Variants in PTGFRN observed in about 807,000 individuals in gnomAD.
The protein encoded by PTGFRN is prostaglandin F2 receptor negative regulator.
A neutral mutation model predicts 83.2 loss-of-function variants in PTGFRN; 35 were observed. That is an observed-to-expected ratio of 0.42 (90% CI 0.32 to 0.56). The LOEUF is 0.56. PTGFRN is among the 20% of genes least tolerant of loss of function. The pLI is 0.11. For synonymous variants in PTGFRN, 519 were observed against 498.6 expected (o/e 1.04, Z -0.55); for missense variants, 1,051 against 1,179.5 (o/e 0.89, Z 1.60).
rs908972251 is a variant in PTGFRN at position 116,987,183 on chromosome 1, C to A, written c.*216C>A. 9.5e-6 allele frequency: 5 copies of A among 526,506 alleles called. No individual in the cohort carries two copies. Among genetic ancestry groups the A allele is most frequent in the African/African-American group, 7.6e-5 (4 of 52,406 alleles). The allele number at this position is 526,506 out of a possible 1,614,324, so 32.6% of individuals were successfully genotyped here. On this transcript the variant is annotated 3_prime_UTR_variant, in exon 9 of 9. Coordinates refer to ENST00000393203, the MANE Select transcript of PTGFRN (RefSeq NM_020440.4). ...CTTCCCACGGCACTTTCTGATGTAACAATCGAGTGTGTGTTTTCCCAACTG... is the reference window on the plus strand; with the variant it reads ...CTTCCCACGGCACTTTCTGATGTAAAAATCGAGTGTGTGTTTTCCCAACTG...
chr1:116,932,636 G>C (rs2491111), intron 1 of PTGFRN, among the ~76,000 whole-genome samples: 1 of 152,006 alleles, frequency 6.6e-6, no homozygotes, highest in Non-Finnish European at 1.5e-5. Flanking sequence ...TCTCTCATCT[G>C]TCTACTTCAC....
At chr1:116,933,992 C>T (rs1649860551) in intron 1 of PTGFRN, among the ~76,000 whole-genome samples, 1 of 152,204 alleles carries the variant, frequency 6.6e-6, no homozygotes, top group Non-Finnish European at 1.5e-5. Flanking sequence ...ACTACAGTCT[C>T]TCCCTGTCCT....
intron 1 of PTGFRN, among the ~76,000 whole-genome samples, chr1:116,932,877 T>G (rs1649832952): frequency 6.6e-6 from 1 of 152,192 alleles, no homozygotes; most frequent in South Asian, 2.1e-4. Flanking sequence ...CAAGTTTGGG[T>G]TTGAGTCCCT....
chr1:116,970,127 C>T (rs1650948195), intron 6 of PTGFRN, among the ~76,000 whole-genome samples: 1 of 151,976 alleles, frequency 6.6e-6, no homozygotes, highest in Admixed American at 6.6e-5. Flanking sequence ...ACCTCCAATA[C>T]AGTGTTGAAT....
intron 8 of PTGFRN, among the ~76,000 whole-genome samples, chr1:116,985,721 AG>A (rs1336081495): frequency 4.1e-4 from 62 of 149,546 alleles, no homozygotes; most frequent in Middle Eastern, 3.4e-3. Context: ...AAAAAAAAAA[AG>A]AGACTCCTTC....
chr1:116,910,348 A>AG (rs1209917148), intron 1 of PTGFRN, 96 bp downstream of exon 1: 4 of 1,118,712 alleles, frequency 3.6e-6, no homozygotes, highest in Non-Finnish European at 3.4e-6. Flanking sequence ...TGGGGCGCCG[A>AG]GGGTGCCCGG....
chr1:116,913,093 A>G (rs1649314263), intron 1 of PTGFRN, among the ~76,000 whole-genome samples: 1 of 152,208 alleles, frequency 6.6e-6, no homozygotes, highest in Admixed American at 6.5e-5. Context: ...TGACAAAGAC[A>G]CAGCATCTCC....
At chr1:116,978,575 A>G (rs1289600168) in intron 7 of PTGFRN, among the ~76,000 whole-genome samples, 2 of 152,234 alleles carry the variant, frequency 1.3e-5, no homozygotes, top group East Asian at 3.8e-4. Flanking sequence ...AACATATGCA[A>G]ATCAATAAAT....
chr1:116,973,332 C>T (rs542494320), intron 6 of PTGFRN, among the ~76,000 whole-genome samples: 6 of 152,218 alleles, frequency 3.9e-5, no homozygotes, highest in African/African-American at 1.4e-4. Flanking sequence ...CCTCAGTAGT[C>T]TCTTAAAGGC....
At chr1:116,925,103 GTTTAC>G (rs757755577) in intron 1 of PTGFRN, among the ~76,000 whole-genome samples, 93 of 152,174 alleles carry the variant, frequency 6.1e-4, no homozygotes, top group Non-Finnish European at 1.1e-3. Flanking sequence ...GGGGTGGGTA[GTTTAC>G]TTTAGGCAGA....
At chr1:116,963,358 A>G (rs1193447584) in intron 5 of PTGFRN, among the ~76,000 whole-genome samples, 2 of 152,144 alleles carry the variant, frequency 1.3e-5, no homozygotes, top group African/African-American at 4.8e-5. Context: ...TATTCTCCTA[A>G]AAGTAGAAAT....
intron 1 of PTGFRN, among the ~76,000 whole-genome samples, chr1:116,931,652 G>T (rs1009496558): frequency 4.6e-5 from 7 of 151,928 alleles, no homozygotes; most frequent in African/African-American, 1.7e-4. Flanking sequence ...ATGACTTAGG[G>T]ACTGTCTAGA....
In PTGFRN at chr1:116,943,736, C is replaced by T. The variant is rs944528925; in HGVS notation, c.419-943C>T. On this transcript the variant is annotated intron_variant, in intron 2 of 8. Transcript: ENST00000393203. ...TATTTATTTTGCAGTAGAGATGGGT[C>T]TTCAGGATGTGTCCTCCTAAAAATG... Among the ~76,000 whole-genome samples, 5 of 152,060 alleles carry T rather than the reference C, an allele frequency of 3.3e-5. No individual in the cohort carries two copies. In the East Asian group the frequency reaches 9.6e-4, roughly 29 times the overall value.
rs1029772143 is a variant in PTGFRN, at chr1:116,945,797, A to G, written c.832+705A>G. Reference sequence around the variant, plus strand: ...ACTGCAATTATAGAAGTAATTAAGAAAATACAACATGCATTTTAGAAAACA... The same window carrying G: ...ACTGCAATTATAGAAGTAATTAAGAGAATACAACATGCATTTTAGAAAACA... On this transcript the variant is annotated intron_variant, in intron 3 of 8. Transcript: ENST00000393203. 5.3e-4 allele frequency among the ~76,000 whole-genome samples: 80 copies of G among 152,118 alleles called. 1 individual carries two copies. Among genetic ancestry groups the G allele is most frequent in the African/African-American group, 1.8e-3 (75 of 41,464 alleles).
At chr1:116,933,692 T>A (rs555714555) in intron 1 of PTGFRN, among the ~76,000 whole-genome samples, 1 of 152,318 alleles carries the variant, frequency 6.6e-6, no homozygotes, top group African/African-American at 2.4e-5. Flanking sequence ...TTTGAGGATT[T>A]TTTTTCTCTG....
At chr1:116,956,464 G>A (rs1385801591) in intron 4 of PTGFRN, among the ~76,000 whole-genome samples, 3 of 152,186 alleles carry the variant, frequency 2.0e-5, no homozygotes, top group Non-Finnish European at 4.4e-5. Context: ...TTGATTTCAG[G>A]GTGGAGAATG....
chr1:116,910,317 G>A (rs1451339640), intron 1 of PTGFRN, 65 bp downstream of exon 1: 8 of 1,247,080 alleles, frequency 6.4e-6, no homozygotes, highest in Non-Finnish European at 8.0e-6. Context: ...GCTCGGCGGG[G>A]CGCGGCTGCA....
intron 6 of PTGFRN, among the ~76,000 whole-genome samples, chr1:116,969,958 C>G (rs550955096): frequency 7.2e-5 from 11 of 152,132 alleles, no homozygotes; most frequent in Admixed American, 3.9e-4. Flanking sequence ...TGTGACCTTG[C>G]TGAACTTGTT....
At chr1:116,983,265 C>T (rs1049461129) in intron 7 of PTGFRN, among the ~76,000 whole-genome samples, 2 of 152,178 alleles carry the variant, frequency 1.3e-5, no homozygotes, top group African/African-American at 2.4e-5. Context: ...CTGGCTCCCA[C>T]ACCATAAGGC....
Sources: allele counts gnomAD v4.1 joint callset (sites outside exome capture counted in the v4.1 genomes callset), GRCh38; gene constraint gnomAD v4.1.1; transcripts MANE v1.5; gene names NCBI Gene and HGNC (gene_info 2026-07-23, HGNC 2026-07-21).